Variants in LRP8 observed in about 807,000 individuals in gnomAD.
The protein encoded by LRP8 is LDL receptor related protein 8, also known as low-density lipoprotein receptor-related protein 8.
In LRP8, 46 loss-of-function variants were observed where a neutral mutation model predicts 111.6. That is an observed-to-expected ratio of 0.41 (90% CI 0.33 to 0.53). LRP8 has a LOEUF of 0.53. Among genes scored for constraint, LRP8 ranks in the 20% least tolerant of loss-of-function variants. The pLI is 0.20. For synonymous variants in LRP8, 464 were observed against 511.2 expected (o/e 0.91, Z 1.24); for missense variants, 959 against 1,297.4 (o/e 0.74, Z 4.01).
Position 53,294,787 on chromosome 1 carries a change from ACTT to A in LRP8, c.245-5101_245-5099del, listed in dbSNP as rs1198443004. Among the ~76,000 whole-genome samples, 8 of 152,158 alleles carry A rather than the reference ACTT, an allele frequency of 5.3e-5. No individual in the cohort carries two copies. Among genetic ancestry groups the A allele is most frequent in the African/African-American group, 1.9e-4 (8 of 41,438 alleles). ...TGTGAAACTGTTAGAATCACTCAGC[ACTT>A]CTTGGCTTCCCCCGCCTCCAGAGAC... is the stretch of plus-strand genomic sequence containing the variant. On this transcript the variant is annotated intron_variant, in intron 2 of 18. Transcript: ENST00000306052. The surrounding 1 kb of genome is among the most constrained non-coding windows in gnomAD (Gnocchi z 4.1).
At chr1:53,260,659 C>T (rs1646298066) in intron 12 of LRP8, 54 bp from the exon 13 acceptor site, 5 of 1,580,466 alleles carry the variant, frequency 3.2e-6, no homozygotes, top group East Asian at 2.2e-5. Flanking sequence ...TCCATGACCT[C>T]AGTCTGAGGG....
intron 3 of LRP8, among the ~76,000 whole-genome samples, chr1:53,285,004 T>C (rs571297145): frequency 1.3e-5 from 2 of 152,342 alleles, no homozygotes; most frequent in East Asian, 3.9e-4. Context: ...AAGGTAGGAC[T>C]TGAGCCTGGC....
rs757529944 is a variant in LRP8 at position 53,257,400 on chromosome 1, TGTG to T, written c.2271_2273del (p.Thr758del). 1.3e-5 allele frequency: 21 copies of T among 1,613,996 alleles called. No individual in the cohort carries two copies. In the East Asian group the frequency reaches 4.2e-4, roughly 33 times the overall value. Reference sequence around the variant, plus strand: ...TGTGGACGGTGGTCCCGGGGGCTCTTGTGGTGGCAGGTACTGTCCTCGTCATGG... The same window carrying T: ...TGTGGACGGTGGTCCCGGGGGCTCTTGTGGCAGGTACTGTCCTCGTCATGG... On this transcript the variant is annotated inframe_deletion, in exon 15 of 19. Coordinates refer to ENST00000306052, the MANE Select transcript of LRP8 (RefSeq NM_004631.5).
rs941593376 is a variant in LRP8 at position 53,249,101 on chromosome 1, C to A, written c.2853+279G>T. ...CGAGGTTAAGGATCCTCAAGGCCAT[C>A]TGCTAACCCTCCTCATTTGCTCCAT... On this transcript the variant is annotated intron_variant, in intron 18 of 18. Coordinates refer to ENST00000306052, the MANE Select transcript of LRP8 (RefSeq NM_004631.5). This position sits in a 1 kb window ranked among gnomAD's most constrained non-coding sequence, Gnocchi z 4.1. 6.6e-6 allele frequency among the ~76,000 whole-genome samples: 1 copy of A among 152,230 alleles called. No homozygotes were observed. Among genetic ancestry groups the A allele is most frequent in the Non-Finnish European group, 1.5e-5 (1 of 68,040 alleles).
Position 53,266,638 on chromosome 1 carries a change from C to G in LRP8, c.1262G>C (p.Ser421Thr). 1 of 1,613,938 alleles carries G rather than the reference C, an allele frequency of 6.2e-7. No individual in the cohort carries two copies. Among genetic ancestry groups the G allele is most frequent in the Non-Finnish European group, 8.5e-7 (1 of 1,179,910 alleles). Residue 421 changes from serine to threonine, a missense_variant, in exon 9 of 19, where the codon AGC becomes ACC. Ser to Thr is a moderately conservative substitution (Grantham distance 58). This residue lies in a region of LRP8 where 819 missense variants were observed against 1,097.6 expected (regional missense o/e 0.75). Transcript: ENST00000306052. The surrounding 1 kb of genome is among the most constrained non-coding windows in gnomAD (Gnocchi z 5.0). ...TKNCKAAAGK[S>T]PSLIFTNRHE... is the part of the protein sequence containing the mutation. The stretch of plus-strand genomic sequence containing the variant: ...CCGGTTGGTGAAGATTAGGGATGGG[C>G]TCTTGCCAGCTGTCATGCAGGGAGG...
chr1:53,249,651 G>A lies in LRP8; in HGVS notation c.2677-95C>T. 1 of 1,443,420 alleles carries A rather than the reference G, an allele frequency of 6.9e-7. No homozygotes were observed. The highest frequency in any genetic ancestry group is 9.1e-7 in the Non-Finnish European group (1 of 1,098,220). 89.4% of individuals were successfully genotyped at this position (1,443,420 alleles called of 1,614,324 possible). ...GTGACACCTGCTGTGCCACTTTGTG[G>A]TCCTCATTCCCCCAAAAAGCCATGC... On this transcript the variant is annotated intron_variant, in intron 17 of 18. Coordinates refer to ENST00000306052, the MANE Select transcript of LRP8 (RefSeq NM_004631.5). The surrounding 1 kb of genome is among the most constrained non-coding windows in gnomAD (Gnocchi z 4.1).
intron 16 of LRP8, among the ~76,000 whole-genome samples, chr1:53,251,994 A>G (rs868029163): frequency 1.3e-5 from 2 of 150,928 alleles, no homozygotes; most frequent in Admixed American, 6.6e-5. Context: ...GTGAGCCACA[A>G]TCATGCCACT....
Position 53,255,193 on chromosome 1 carries a change from A to G in LRP8, c.2435-8T>C, listed in dbSNP as rs1235064724. 3.7e-6 allele frequency: 6 copies of G among 1,612,528 alleles called. No homozygotes were observed. The highest frequency in any genetic ancestry group is 1.3e-5 in the African/African-American group (1 of 74,936). ...TACTGTCTTCATTTGCATCTGCAAA[A>G]CACAAACATTTGCAGAATGATGCTC... On this transcript the variant is annotated splice_region_variant and splice_polypyrimidine_tract_variant and intron_variant, in intron 15 of 18. Transcript: ENST00000306052.
At chr1:53,327,070 GGA>G in intron 1 of LRP8, 78 bp from the exon 2 acceptor site, 1 of 1,562,894 alleles carries the variant, frequency 6.4e-7, no homozygotes, top group Non-Finnish European at 8.6e-7. Context: ...CCACCCGGAA[GGA>G]CCCGCTGGGG....
In LRP8 at chr1:53,293,931, G is replaced by A. The variant is rs1649224385; in HGVS notation, c.245-4242C>T. Among the ~76,000 whole-genome samples the A allele has an allele frequency of 6.6e-6, 1 of 152,198 alleles. No individual in the cohort carries two copies. Among genetic ancestry groups the A allele is most frequent in the African/African-American group, 2.4e-5 (1 of 41,436 alleles). ...ACAAAAGGCAAAAAGACTCTTCTGG[G>A]GGATCCTGGTGAACACCCAGTGTCA... On this transcript the variant is annotated intron_variant, in intron 2 of 18. Coordinates refer to ENST00000306052, the MANE Select transcript of LRP8 (RefSeq NM_004631.5). This position sits in a 1 kb window ranked among gnomAD's most constrained non-coding sequence, Gnocchi z 4.9.
intron 8 of LRP8, chr1:53,267,741 A>G (rs542939704): frequency 1.3e-5 from 2 of 152,262 alleles, no homozygotes; most frequent in Non-Finnish European, 2.9e-5. Context: ...TAAGTGACCT[A>G]GACTTTCCTG....
intron 6 of LRP8, among the ~76,000 whole-genome samples, chr1:53,274,091 C>T (rs1646843480): frequency 1.3e-5 from 2 of 152,250 alleles, no homozygotes; most frequent in Non-Finnish European, 2.9e-5. Context: ...TGGAACCCAC[C>T]CTGACAGCTG....
intron 2 of LRP8, among the ~76,000 whole-genome samples, chr1:53,316,970 C>T (rs921978928): frequency 5.9e-5 from 9 of 152,068 alleles, no homozygotes; most frequent in Non-Finnish European, 7.4e-5. Context: ...GCAGACTTAG[C>T]GGGTATGGGA....
At chr1:53,289,396 A>G (rs972216734) in intron 3 of LRP8, 171 bp downstream of exon 3, 4 of 902,256 alleles carry the variant, frequency 4.4e-6, no homozygotes, top group Non-Finnish European at 6.3e-6. Context: ...GAAAGTCCAG[A>G]AACAGGTCAG....
chr1:53,312,934 G>A (rs1053198150), intron 2 of LRP8, among the ~76,000 whole-genome samples: 5 of 152,202 alleles, frequency 3.3e-5, no homozygotes, highest in African/African-American at 7.2e-5. Context: ...TGAAGTGGGC[G>A]TTTTCGCTGA....
chr1:53,282,519 T>G (rs569947605), intron 3 of LRP8, among the ~76,000 whole-genome samples: 2 of 152,244 alleles, frequency 1.3e-5, no homozygotes, highest in East Asian at 3.9e-4. Context: ...TCACCAACAC[T>G]GCAGGACCCC....
At chr1:53,263,469 C>A (rs927647954) in intron 10 of LRP8, among the ~76,000 whole-genome samples, 12 of 152,308 alleles carry the variant, frequency 7.9e-5, no homozygotes, top group African/African-American at 2.9e-4. Flanking sequence ...GCTAAAAAAA[C>A]CATCTCAAGA....
chr1:53,327,628 G>A (rs926125354), intron 1 of LRP8, among the ~76,000 whole-genome samples, 161 bp downstream of exon 1: 1 of 151,998 alleles, frequency 6.6e-6, no homozygotes, highest in Non-Finnish European at 1.5e-5. Context: ...GGGGCGGGGG[G>A]CCGAGGGCAA....
At chr1:53,319,044 G>A (rs1285074310) in intron 2 of LRP8, among the ~76,000 whole-genome samples, 1 of 152,206 alleles carries the variant, frequency 6.6e-6, no homozygotes, top group Non-Finnish European at 1.5e-5. Flanking sequence ...AGTAAAATCA[G>A]TTGAAGTGAG....
Sources: allele counts gnomAD v4.1 joint callset (sites outside exome capture counted in the v4.1 genomes callset), GRCh38; gene constraint gnomAD v4.1.1; regional missense constraint gnomAD v4.1.1; non-coding constraint Gnocchi (gnomAD v3.1); transcripts MANE v1.5; gene names NCBI Gene and HGNC (gene_info 2026-07-23, HGNC 2026-07-21).